Variants in OSBP2 observed in about 807,000 individuals in gnomAD.
OSBP2 encodes oxysterol-binding protein 2.
In OSBP2, 66 loss-of-function variants were observed where a neutral mutation model predicts 96.0. The ratio of observed to expected loss-of-function variants is 0.69; its 90% CI spans 0.56 to 0.84. The LOEUF (loss-of-function observed/expected upper bound fraction) is 0.84, where lower values mean the gene tolerates loss of function less well. Among genes scored for constraint, OSBP2 ranks in the 40% least tolerant of loss-of-function variants. OSBP2 has a pLI of 0.00. For missense variants in OSBP2, 1,038 were observed against 1,222.7 expected, an observed-to-expected ratio of 0.85 and a Z score of 2.25; for synonymous variants, 525 against 520.9, an observed-to-expected ratio of 1.01 and a Z score of -0.11.
At chr22:30,710,102 T>A (rs2089323758) in intron 1 of OSBP2, among the ~76,000 whole-genome samples, 1 of 152,100 alleles carries the variant, frequency 6.6e-6, no homozygotes, top group Middle Eastern at 3.4e-3. Context: ...GCCAGGCCGG[T>A]CTTGAACTCC....
chr22:30,705,357 G>T (rs1037991327), intron 1 of OSBP2, among the ~76,000 whole-genome samples: 1 of 151,884 alleles, frequency 6.6e-6, no homozygotes, highest in African/African-American at 2.4e-5. Context: ...GCAGTGGCGC[G>T]ATCTCAGCTC....
At chr22:30,780,799 A>G (rs1210578767) in intron 2 of OSBP2, among the ~76,000 whole-genome samples, 1 of 152,042 alleles carries the variant, frequency 6.6e-6, no homozygotes, top group African/African-American at 2.4e-5. Flanking sequence ...CACCTGGCCT[A>G]CAACTAAACT....
intron 2 of OSBP2, among the ~76,000 whole-genome samples, chr22:30,858,204 T>C (rs2039123038): frequency 6.8e-6 from 1 of 147,820 alleles, no homozygotes; most frequent in Non-Finnish European, 1.5e-5. Context: ...CGGACTGCAG[T>C]GGCGCAATCT....
chr22:30,898,280 G>A (rs2040111071), intron 12 of OSBP2, among the ~76,000 whole-genome samples: 1 of 152,092 alleles, frequency 6.6e-6, no homozygotes, highest in South Asian at 2.1e-4. Context: ...TTGAGCCCAG[G>A]AGGTCGAGGC....
intron 2 of OSBP2, among the ~76,000 whole-genome samples, chr22:30,853,294 C>T (rs909554480): frequency 2.6e-5 from 4 of 152,170 alleles, no homozygotes; most frequent in Non-Finnish European, 5.9e-5. Context: ...AGCTCTGTCA[C>T]GAGGCACGTG....
rs2040355567 is a variant in OSBP2, at chr22:30,907,436, C to G, written c.*1097C>G. On this transcript the variant is annotated 3_prime_UTR_variant, in exon 14 of 14. Transcript: ENST00000332585. Reference sequence around the variant, plus strand: ...GGTGCACCTGTCTGAGTTTGGCCCTCATGTGAGCTGTGCCCTTCCCTCTCC... The same window carrying G: ...GGTGCACCTGTCTGAGTTTGGCCCTGATGTGAGCTGTGCCCTTCCCTCTCC... 6.6e-6 allele frequency: 1 copy of G among 152,314 alleles called. No individual in the cohort carries two copies. The highest frequency in any genetic ancestry group is 1.5e-5 in the Non-Finnish European group (1 of 67,994). The allele number at this position is 152,314 out of a possible 1,614,324, so 9.4% of individuals were successfully genotyped here.
intron 2 of OSBP2, among the ~76,000 whole-genome samples, chr22:30,775,583 C>T (rs2090421536): frequency 6.6e-6 from 1 of 152,254 alleles, no homozygotes; most frequent in Middle Eastern, 3.4e-3. Context: ...CGCACCACTT[C>T]ACTCCAGCTT....
chr22:30,856,154 C>G (rs1277162624), intron 2 of OSBP2, among the ~76,000 whole-genome samples: 1 of 152,180 alleles, frequency 6.6e-6, no homozygotes, highest in African/African-American at 2.4e-5. Context: ...CCCACTCTAG[C>G]CCTGCTCTGA....
At chr22:30,694,502 C>T (rs972660902), upstream of OSBP2, among the ~76,000 whole-genome samples, 1 of 152,140 alleles carries the variant, frequency 6.6e-6, no homozygotes, top group Non-Finnish European at 1.5e-5. Context: ...GGGGAGGGGG[C>T]GTCGGCGCAG....
At chr22:30,739,566 C>T (rs2089906805) in intron 1 of OSBP2, among the ~76,000 whole-genome samples, 1 of 151,914 alleles carries the variant, frequency 6.6e-6, no homozygotes, top group African/African-American at 2.4e-5. Flanking sequence ...CCTCCGCCTC[C>T]CGGGTTCAAG....
At chr22:30,733,963 T>C (rs1332882463) in intron 1 of OSBP2, among the ~76,000 whole-genome samples, 1 of 152,130 alleles carries the variant, frequency 6.6e-6, no homozygotes, top group Non-Finnish European at 1.5e-5. Context: ...TCCTTAAAAG[T>C]GGCAGAAAAT....
At chr22:30,826,181 G>A (rs897424240) in intron 2 of OSBP2, among the ~76,000 whole-genome samples, 1 of 152,102 alleles carries the variant, frequency 6.6e-6, no homozygotes, top group African/African-American at 2.4e-5. Context: ...GAGGACACGG[G>A]GTCCTTCAAA....
rs185870858 is a variant in OSBP2 at position 30,730,061 on chromosome 22, C to T, written c.645-11100C>T. On this transcript the variant is annotated intron_variant, in intron 1 of 13. Coordinates refer to ENST00000332585, the MANE Select transcript of OSBP2 (RefSeq NM_030758.4). ...CACTGCAACCTCTGCCTCCCAGGTT[C>T]AAGCGATTCTCGTGTCTCAGCCTTC... is the stretch of plus-strand genomic sequence containing the variant. 8.3e-3 allele frequency among the ~76,000 whole-genome samples: 1,268 copies of T among 152,116 alleles called. 22 individuals carry two copies. Among genetic ancestry groups the T allele is most frequent in the African/African-American group, 0.027 (1,122 of 41,504 alleles).
Position 30,870,799 on chromosome 22 carries a change from G to A in OSBP2, c.1107+117G>A, listed in dbSNP as rs1237088766. 5.3e-6 allele frequency: 6 copies of A among 1,129,710 alleles called. No homozygotes were observed. Among genetic ancestry groups the A allele is most frequent in the South Asian group, 1.5e-5 (1 of 65,642 alleles). 70.0% of individuals were successfully genotyped at this position (1,129,710 alleles called of 1,614,324 possible). On this transcript the variant is annotated intron_variant, in intron 3 of 13. Coordinates refer to ENST00000332585, the MANE Select transcript of OSBP2 (RefSeq NM_030758.4). This position sits in a 1 kb window ranked among gnomAD's most constrained non-coding sequence, Gnocchi z 4.1. ...AGCGTTCCATTTCCTGCGGTTCCACGGTGTTTCCCAAAGCCAGCGCCCCCC... is the reference window on the plus strand; with the variant it reads ...AGCGTTCCATTTCCTGCGGTTCCACAGTGTTTCCCAAAGCCAGCGCCCCCC...
Position 30,870,335 on chromosome 22 carries a change from C to A in OSBP2, c.854-94C>A. 1 of 1,299,496 alleles carries A rather than the reference C, an allele frequency of 7.7e-7. No homozygotes were observed. The highest frequency in any genetic ancestry group is 1.1e-6 in the Non-Finnish European group (1 of 929,686). The allele number at this position is 1,299,496 out of a possible 1,614,324, so 80.5% of individuals were successfully genotyped here. ...TCGGGGACTGATGTTTTTTGAATGG[C>A]GCTATCCACCCTGCCCTGCTCGGCC... On this transcript the variant is annotated intron_variant, in intron 2 of 13. Transcript: ENST00000332585. This position sits in a 1 kb window ranked among gnomAD's most constrained non-coding sequence, Gnocchi z 4.1.
At chr22:30,902,033 G>A (rs1008469239) in intron 12 of OSBP2, among the ~76,000 whole-genome samples, 6 of 149,726 alleles carry the variant, frequency 4.0e-5, no homozygotes, top group Non-Finnish European at 8.9e-5. Flanking sequence ...TGGTACATTC[G>A]CATGAAGGAA....
intron 1 of OSBP2, among the ~76,000 whole-genome samples, chr22:30,729,261 G>C (rs978203474): frequency 1.3e-5 from 2 of 152,116 alleles, no homozygotes. Flanking sequence ...CTGAAATTAG[G>C]ATCTCAAAGA....
At chr22:30,694,815 TCG>T, upstream of OSBP2, 1 of 571,512 alleles carries the variant, frequency 1.7e-6, no homozygotes, top group Non-Finnish European at 2.2e-6. Flanking sequence ...CGCCCCCGCC[TCG>T]CGCCGCGCGC....
chr22:30,727,591 T>C (rs1186409506), intron 1 of OSBP2, among the ~76,000 whole-genome samples: 1 of 152,142 alleles, frequency 6.6e-6, no homozygotes, highest in African/African-American at 2.4e-5. Context: ...GGACACTGCA[T>C]GTTGATGCCA....
Sources: gnomAD v4.1 joint callset for allele counts (sites outside exome capture counted in the v4.1 genomes callset) on GRCh38, gnomAD v4.1.1 for gene constraint, Gnocchi (gnomAD v3.1) non-coding constraint, MANE v1.5 for transcripts, NCBI Gene and HGNC (gene_info 2026-07-23, HGNC 2026-07-21) for gene names.